RMDN1: variants seen among roughly 807,000 people sequenced by gnomAD.
RMDN1 encodes the protein regulator of microtubule dynamics 1.
Under a neutral mutation model 48.9 loss-of-function variants are expected in RMDN1, and 48 were observed. The observed-to-expected ratio is 0.98, with a 90% CI of 0.78 to 1.25. The LOEUF is 1.25. RMDN1 is among the 50% of genes most tolerant of loss of function. RMDN1 has a pLI of 0.00. For synonymous variants in RMDN1, 148 were observed against 132.6 expected, an observed-to-expected ratio of 1.12 and a Z score of -0.80; for missense variants, 418 against 373.4, an observed-to-expected ratio of 1.12 and a Z score of -0.98.
upstream of RMDN1, among the ~76,000 whole-genome samples, chr8:86,509,470 A>G (rs773226185): frequency 6.6e-6 from 1 of 152,190 alleles, no homozygotes; most frequent in Non-Finnish European, 1.5e-5. Flanking sequence ...GGGTGGAAAC[A>G]CAGACTGCAA....
At chr8:86,490,289 G>A (rs1312622995) in intron 2 of RMDN1, among the ~76,000 whole-genome samples, 3 of 152,172 alleles carry the variant, frequency 2.0e-5, no homozygotes, top group African/African-American at 7.2e-5. Flanking sequence ...GTGAACTGTA[G>A]ATAGAATTAA....
At position 86,486,622 on chromosome 8, in the gene RMDN1, C is replaced by A. The variant is rs1032139932; in HGVS notation, c.357G>T (p.Trp119Cys). Residue 119 changes from tryptophan to cysteine, a missense_variant, in exon 4 of 10, where the codon TGG (tryptophan) becomes TGT (cysteine). Physicochemically the swap from Trp to Cys is radical, Grantham distance 215 (BLOSUM62 -2). Coordinates refer to ENST00000406452, the MANE Select transcript of RMDN1 (RefSeq NM_016033.3). ...CATCACGTGATGCCCGTGCCAAACG[C>A]CACAGTAACTCTGCATCTTCACTAA... ...YKESEDAELL[W>C]RLARASRDVA... 6.3e-7 allele frequency: 1 copy of A among 1,596,246 alleles called. No individual in the cohort carries two copies. Among genetic ancestry groups the A allele is most frequent in the African/African-American group, 1.3e-5 (1 of 74,278 alleles).
chr8:86,493,125 T>C (rs998906278), intron 2 of RMDN1, among the ~76,000 whole-genome samples: 5 of 152,196 alleles, frequency 3.3e-5, no homozygotes, highest in African/African-American at 9.6e-5. Flanking sequence ...AGTGTTTCTG[T>C]ATTTTTCAAT....
Position 86,474,221 on chromosome 8 carries a change from G to T in RMDN1, c.*87C>A. 6.4e-7 allele frequency: 1 copy of T among 1,570,474 alleles called. No individual in the cohort carries two copies. The highest frequency in any genetic ancestry group is 8.6e-7 in the Non-Finnish European group (1 of 1,161,872). On this transcript the variant is annotated 3_prime_UTR_variant, in exon 10 of 10. Coordinates refer to ENST00000406452, the MANE Select transcript of RMDN1 (RefSeq NM_016033.3). ...TGGTCACAACATTTAAAAAGCCGTA[G>T]AACAGTTATAGTTCATATATTAAGT...
chr8:86,502,401 CA>C (rs1818400823), intron 2 of RMDN1, among the ~76,000 whole-genome samples: 1 of 151,440 alleles, frequency 6.6e-6, no homozygotes, highest in East Asian at 1.9e-4. Context: ...CCCAGCTAAT[CA>C]TTTGAATTTT....
chr8:86,504,160 C>T, intron 2 of RMDN1: 2 of 1,414,650 alleles, frequency 1.4e-6, no homozygotes, highest in Non-Finnish European at 2.0e-6. Flanking sequence ...CTTTACCATC[C>T]TTCCTGCTAT....
upstream of RMDN1, among the ~76,000 whole-genome samples, chr8:86,509,901 C>T (rs2131393422): frequency 1.3e-5 from 2 of 152,284 alleles, no homozygotes; most frequent in South Asian, 4.1e-4. Context: ...AAGACAGAAT[C>T]ACTTTTATTT....
Position 86,473,222 on chromosome 8 carries a change from C to A in RMDN1, c.*1086G>T. 1 of 984,904 alleles carries A rather than the reference C, an allele frequency of 1.0e-6. No homozygotes were observed. The highest frequency in any genetic ancestry group is 1.2e-6 in the Non-Finnish European group (1 of 829,636). The allele number at this position is 984,904 out of a possible 1,614,324, so 61.0% of individuals were successfully genotyped here. ...ATTGTAACATTACAATTCCCAAATCCTTTGGGAAAAATCCACCTACACACA... is the reference window on the plus strand; with the variant it reads ...ATTGTAACATTACAATTCCCAAATCATTTGGGAAAAATCCACCTACACACA... On this transcript the variant is annotated 3_prime_UTR_variant, in exon 10 of 10. Transcript: ENST00000406452.
downstream of RMDN1, among the ~76,000 whole-genome samples, chr8:86,470,562 G>GAGAT (rs754049924): frequency 3.9e-5 from 6 of 152,098 alleles, no homozygotes; most frequent in African/African-American, 7.2e-5. Context: ...GTATCCCAGA[G>GAGAT]AGATAAAATC....
downstream of RMDN1, among the ~76,000 whole-genome samples, chr8:86,469,279 C>G (rs979425178): frequency 6.6e-5 from 10 of 152,106 alleles, no homozygotes; most frequent in African/African-American, 2.2e-4. Context: ...CTCTTCCTAC[C>G]CTGACAACTA....
chr8:86,483,825 GTT>G (rs35596455), intron 5 of RMDN1, among the ~76,000 whole-genome samples: 49 of 130,102 alleles, frequency 3.8e-4, no homozygotes, highest in African/African-American at 7.4e-4. Flanking sequence ...TTTTGTGGTA[GTT>G]TTTTTTTTTT....
intron 2 of RMDN1, among the ~76,000 whole-genome samples, chr8:86,494,485 G>A (rs1816995809): frequency 6.6e-6 from 1 of 152,114 alleles, no homozygotes; most frequent in African/African-American, 2.4e-5. Context: ...GAGTCCAGGA[G>A]GTCGAGGCTG....
chr8:86,477,219 C>CA, intron 8 of RMDN1, 75 bp downstream of exon 8: 1 of 1,047,074 alleles, frequency 9.6e-7, no homozygotes. Context: ...CTGCTTTAGA[C>CA]ATTGCTATTA....
chr8:86,498,976 T>G (rs1817798093), intron 2 of RMDN1, among the ~76,000 whole-genome samples: 4 of 152,058 alleles, frequency 2.6e-5, no homozygotes, highest in Admixed American at 2.6e-4. Flanking sequence ...AACCACATGA[T>G]CATCTCAAAA....
In RMDN1 at chr8:86,473,966, C is replaced by T; in HGVS notation, c.*342G>A. On this transcript the variant is annotated 3_prime_UTR_variant, in exon 10 of 10. Transcript: ENST00000406452. ...TGAAAATCCATCCCCCTGTATATCCCCTATAGATCCATTTCCCCTCCTCTA... is the reference window on the plus strand; with the variant it reads ...TGAAAATCCATCCCCCTGTATATCCTCTATAGATCCATTTCCCCTCCTCTA... The T allele has an allele frequency of 9.5e-7, 1 of 1,049,134 alleles. No homozygotes were observed. The highest frequency in any genetic ancestry group is 1.1e-6 in the Non-Finnish European group (1 of 870,230). 65.0% of individuals were successfully genotyped at this position (1,049,134 alleles called of 1,614,324 possible).
chr8:86,478,567 GTTA>G (rs930450605), intron 7 of RMDN1: 1 of 185,302 alleles, frequency 5.4e-6, no homozygotes, highest in African/African-American at 2.4e-5. Context: ...TTACTTTTCT[GTTA>G]TTGTGTGTAA....
chr8:86,504,009 G>C (rs1258603909), intron 2 of RMDN1: 2 of 780,518 alleles, frequency 2.6e-6, no homozygotes, highest in Non-Finnish European at 4.8e-6. Context: ...ACATTGGAGA[G>C]ATCTCAGCTA....
At chr8:86,499,881 C>T (rs1817936280) in intron 2 of RMDN1, among the ~76,000 whole-genome samples, 1 of 152,132 alleles carries the variant, frequency 6.6e-6, no homozygotes, top group Non-Finnish European at 1.5e-5. Context: ...AGAAATAAAG[C>T]TGCACATCTA....
rs187643745 is a variant in RMDN1, at chr8:86,474,218, G to A, written c.*90C>T. ...AAATGGTCACAACATTTAAAAAGCCGTAGAACAGTTATAGTTCATATATTA... is the reference window on the plus strand; with the variant it reads ...AAATGGTCACAACATTTAAAAAGCCATAGAACAGTTATAGTTCATATATTA... On this transcript the variant is annotated 3_prime_UTR_variant, in exon 10 of 10. Transcript: ENST00000406452. The A allele has an allele frequency of 7.5e-5, 117 of 1,562,716 alleles. No homozygotes were observed. In the East Asian group the frequency reaches 9.1e-4, roughly 12 times the overall value.
Sources: allele counts gnomAD v4.1 joint callset (sites outside exome capture counted in the v4.1 genomes callset), GRCh38; gene constraint gnomAD v4.1.1; transcripts MANE v1.5; gene names NCBI Gene and HGNC (gene_info 2026-07-23, HGNC 2026-07-21).